GAS7: variants seen among roughly 807,000 people sequenced by gnomAD.
GAS7 encodes growth arrest specific 7, also known as growth arrest-specific protein 7.
In GAS7, 28 loss-of-function variants were observed where a neutral mutation model predicts 71.1. That is an observed-to-expected ratio of 0.39 (90% CI 0.29 to 0.54). The LOEUF (loss-of-function observed/expected upper bound fraction) is 0.54. Ranked by LOEUF, GAS7 falls within the 20% of genes least tolerant of loss-of-function variation. GAS7 has a pLI of 0.62. For missense variants in GAS7, 436 were observed against 627.8 expected (o/e 0.69, Z 3.27); for synonymous variants, 258 against 245.8 (o/e 1.05, Z -0.46).
intron 1 of GAS7, among the ~76,000 whole-genome samples, chr17:10,098,231 G>A (rs59470306): frequency 0.28 from 43,039 of 152,002 alleles, 6,504 homozygotes; most frequent in Non-Finnish European, 0.31. Context: ...GGGCTACAAG[G>A]GGTAGGGACA....
chr17:10,039,835 A>C, intron 1 of GAS7: 1 of 440,440 alleles, frequency 2.3e-6, no homozygotes, highest in Non-Finnish European at 4.5e-6. Flanking sequence ...GGGGTGTGGC[A>C]CCCTCTGGGG....
intron 1 of GAS7, among the ~76,000 whole-genome samples, chr17:10,087,822 A>G (rs2073536020): frequency 6.6e-6 from 1 of 152,096 alleles, no homozygotes; most frequent in Admixed American, 6.6e-5. Flanking sequence ...GAAAATAAGG[A>G]AACTGTCTAC....
intron 1 of GAS7, among the ~76,000 whole-genome samples, chr17:10,082,033 A>G (rs927234268): frequency 1.3e-5 from 2 of 152,236 alleles, no homozygotes; most frequent in African/African-American, 2.4e-5. Context: ...TGCACATGCT[A>G]GAACAGTACG....
At chr17:10,156,683 G>A (rs939209329) in intron 1 of GAS7, among the ~76,000 whole-genome samples, 11 of 152,162 alleles carry the variant, frequency 7.2e-5, no homozygotes, top group Admixed American at 5.2e-4. Flanking sequence ...TGAGGAAAGC[G>A]AGGTTGGGGT....
Position 9,969,593 on chromosome 17 carries a change from G to A in GAS7, c.471+84C>T. The A allele has an allele frequency of 1.2e-6, 1 of 828,240 alleles. No homozygotes were observed. The allele number at this position is 828,240 out of a possible 1,614,324, so 51.3% of individuals were successfully genotyped here. The stretch of plus-strand genomic sequence containing the variant: ...GGCAGAACTGGGCTGCAGCCACCTG[G>A]ACTCCCATGATGGACTTTGTAATGC... On this transcript the variant is annotated intron_variant, in intron 4 of 13. Transcript: ENST00000432992. This position sits in a 1 kb window ranked among gnomAD's most constrained non-coding sequence, Gnocchi z 5.5.
chr17:10,070,639 C>G (rs1344831293), intron 1 of GAS7, among the ~76,000 whole-genome samples: 1 of 152,134 alleles, frequency 6.6e-6, no homozygotes, highest in African/African-American at 2.4e-5. Context: ...GCTGGGATCA[C>G]AGGCGTGAGC....
intron 1 of GAS7, among the ~76,000 whole-genome samples, chr17:10,048,432 G>T (rs1197208420): frequency 6.6e-6 from 1 of 152,176 alleles, no homozygotes; most frequent in African/African-American, 2.4e-5. Flanking sequence ...TGGCTAGAGA[G>T]CTCTTTCTAC....
chr17:9,953,132 GGTACA>G (rs2069087980), intron 5 of GAS7, among the ~76,000 whole-genome samples: 2 of 151,680 alleles, frequency 1.3e-5, no homozygotes, highest in East Asian at 3.9e-4. Flanking sequence ...AAGGAAACGT[GGTACA>G]TATACAACAT....
At chr17:9,946,459 A>G (rs934796812) in intron 6 of GAS7, among the ~76,000 whole-genome samples, 11 of 152,202 alleles carry the variant, frequency 7.2e-5, no homozygotes, top group African/African-American at 2.7e-4. Flanking sequence ...CCCAAGCTGG[A>G]GCTCTCTGAA....
chr17:10,085,662 A>G (rs1348887502), intron 1 of GAS7, among the ~76,000 whole-genome samples: 1 of 139,086 alleles, frequency 7.2e-6, no homozygotes, highest in East Asian at 2.1e-4. Context: ...ACTGCACTCC[A>G]GCCTGGGCGA....
At position 9,959,025 on chromosome 17, in the gene GAS7, A is replaced by G; in HGVS notation, c.525+177T>C. 1 of 1,388,414 alleles carries G rather than the reference A, an allele frequency of 7.2e-7. No individual in the cohort carries two copies. The highest frequency in any genetic ancestry group is 1.5e-5 in the African/African-American group (1 of 68,806). 86.0% of individuals were successfully genotyped at this position (1,388,414 alleles called of 1,614,324 possible). On this transcript the variant is annotated intron_variant, in intron 5 of 13. Transcript: ENST00000432992. This position sits in a 1 kb window ranked among gnomAD's most constrained non-coding sequence, Gnocchi z 5.0. ...AGTGAAATGTGAAATTGACAGGAGAAGGGGAGGTGGGAGGGGCATGTGGAT... is the reference window on the plus strand; with the variant it reads ...AGTGAAATGTGAAATTGACAGGAGAGGGGGAGGTGGGAGGGGCATGTGGAT...
At chr17:10,001,566 G>T (rs1269528792) in intron 2 of GAS7, among the ~76,000 whole-genome samples, 1 of 152,090 alleles carries the variant, frequency 6.6e-6, no homozygotes, top group African/African-American at 2.4e-5. Flanking sequence ...TCTCTCAGGG[G>T]AAATACAGAG....
intron 2 of GAS7, among the ~76,000 whole-genome samples, chr17:10,001,590 A>T (rs1162196545): frequency 6.6e-6 from 1 of 152,120 alleles, no homozygotes; most frequent in Non-Finnish European, 1.5e-5. Flanking sequence ...GAAAGGTTTT[A>T]AAAACTAGCC....
chr17:10,059,810 A>T, intron 1 of GAS7: 1 of 985,166 alleles, frequency 1.0e-6, no homozygotes, highest in Non-Finnish European at 1.2e-6. Flanking sequence ...CAGCATTTAT[A>T]TATAGAAAGT....
chr17:9,925,421 C>T lies in GAS7; in HGVS notation c.1138+55G>A, dbSNP rs1205319529. ...CGCCAGTCACCTCATCTCCTAGCCC[C>T]GTGCCCTCTCCTTCTGTGTGCACTG... On this transcript the variant is annotated intron_variant, in intron 11 of 13. Transcript: ENST00000432992. The T allele has an allele frequency of 5.7e-6, 9 of 1,588,960 alleles. No individual in the cohort carries two copies. The East Asian group carries it at 6.7e-5, about 12-fold the overall frequency.
rs557861050 is a variant in GAS7 at position 10,054,378 on chromosome 17, G to A, written c.184-34481C>T. The stretch of plus-strand genomic sequence containing the variant: ...CACTACTTATCATCAGCATATTGTT[G>A]CCAAGCAGGGCGGCAGGCTTGGTGT... On this transcript the variant is annotated intron_variant, in intron 1 of 13. Transcript: ENST00000432992. Among the ~76,000 whole-genome samples, 71 of 152,214 alleles carry A rather than the reference G, an allele frequency of 4.7e-4. 1 individual carries two copies. The East Asian group carries it at 7.9e-3, about 17-fold the overall frequency.
intron 1 of GAS7, among the ~76,000 whole-genome samples, chr17:10,190,057 G>A (rs150942079): frequency 4.4e-4 from 67 of 152,202 alleles, no homozygotes; most frequent in African/African-American, 1.4e-3. Flanking sequence ...ACACAGGCAC[G>A]CCCATTGGCT....
intron 1 of GAS7, among the ~76,000 whole-genome samples, chr17:10,047,013 T>C (rs1255521108): frequency 6.6e-6 from 1 of 151,950 alleles, no homozygotes. Context: ...TGTCTCTAAT[T>C]TGAGATGCAG....
intron 2 of GAS7, among the ~76,000 whole-genome samples, chr17:9,993,264 C>T (rs1597632901): frequency 1.3e-5 from 2 of 152,200 alleles, no homozygotes; most frequent in East Asian, 3.9e-4. Context: ...TCTCCAGCAC[C>T]TGTTGTTTCC....
Sources: gnomAD v4.1 joint callset for allele counts (sites outside exome capture counted in the v4.1 genomes callset) on GRCh38, gnomAD v4.1.1 for gene constraint, Gnocchi (gnomAD v3.1) non-coding constraint, MANE v1.5 for transcripts, NCBI Gene and HGNC (gene_info 2026-07-23, HGNC 2026-07-21) for gene names.